Variants in CAPSL observed in about 807,000 individuals in gnomAD.
CAPSL encodes the protein calcyphosine like, also known as calcyphosin-like protein.
CAPSL carries 17 observed loss-of-function variants against 21.3 expected under a neutral mutation model. That is an observed-to-expected ratio of 0.80 (90% CI 0.55 to 1.20). The LOEUF (loss-of-function observed/expected upper bound fraction) is 1.20, where lower values mean the gene tolerates loss of function less well. CAPSL is among the 50% of genes most tolerant of loss of function. The pLI, the probability that CAPSL is intolerant of heterozygous loss-of-function variation, is 0.00. For missense variants in CAPSL, 289 were observed against 259.3 expected (o/e 1.11, Z -0.79); for synonymous variants, 102 against 89.3 (o/e 1.14, Z -0.80).
At chr5:35,912,164 G>T (rs999788733) in intron 2 of CAPSL, among the ~76,000 whole-genome samples, 5 of 152,204 alleles carry the variant, frequency 3.3e-5, no homozygotes, top group African/African-American at 1.2e-4. Flanking sequence ...GGCTGGGGGA[G>T]GGATGCCCAC....
chr5:35,919,984 A>T (rs1433913236), intron 2 of CAPSL, among the ~76,000 whole-genome samples: 1 of 152,078 alleles, frequency 6.6e-6, no homozygotes, highest in Non-Finnish European at 1.5e-5. Flanking sequence ...GATGAATGGG[A>T]TAGAGGTGGA....
In CAPSL at chr5:35,904,527, G is replaced by T; in HGVS notation, c.*18C>A. 1.3e-6 allele frequency: 2 copies of T among 1,589,384 alleles called. No homozygotes were observed. The highest frequency in any genetic ancestry group is 1.1e-5 in the South Asian group (1 of 89,854). ...GAGCCACATGGCTGTCCCAGGGCCT[G>T]GTCCCCAGGTCATGTGCTTAAAGCT... On this transcript the variant is annotated 3_prime_UTR_variant, in exon 5 of 5. Transcript: ENST00000651391.
intron 2 of CAPSL, among the ~76,000 whole-genome samples, chr5:35,913,002 G>A (rs1193473585): frequency 6.6e-6 from 1 of 152,120 alleles, no homozygotes; most frequent in Non-Finnish European, 1.5e-5. Context: ...CCACTGCAGA[G>A]AAGTCCTTAA....
Position 35,904,433 on chromosome 5 carries a change from G to GA in CAPSL, c.*111dup, listed in dbSNP as rs1483598446. 8.5e-6 allele frequency: 7 copies of GA among 822,088 alleles called. No homozygotes were observed. Among genetic ancestry groups the GA allele is most frequent in the Middle Eastern group, 2.3e-4 (1 of 4,278 alleles). 50.9% of individuals were successfully genotyped at this position (822,088 alleles called of 1,614,324 possible). On this transcript the variant is annotated 3_prime_UTR_variant, in exon 5 of 5. Transcript: ENST00000651391. Reference sequence around the variant, plus strand: ...CCAGAAAATGCAATATTTTGACACAGAAAAAAACATTAGGATGAGTGTGAA... The same window carrying GA: ...CCAGAAAATGCAATATTTTGACACAGAAAAAAAACATTAGGATGAGTGTGAA...
intron 2 of CAPSL, 111 bp from the exon 3 acceptor site, chr5:35,910,654 T>G: frequency 1.2e-6 from 1 of 800,770 alleles, no homozygotes; most frequent in Non-Finnish European, 1.9e-6. Flanking sequence ...AATACAAAAG[T>G]CTTAAATTCT....
Position 35,910,394 on chromosome 5 carries a change from T to G in CAPSL, c.287A>C (p.Asp96Ala). Residue 96 changes from aspartate to alanine, a missense_variant, in exon 3 of 5, where the codon GAC becomes GCC. Coordinates refer to ENST00000651391, the MANE Select transcript of CAPSL (RefSeq NM_001042625.2). ...TAATGTGAGAAGAAATTCATTGAAG[T>G]CTATTGTTCCATTTCCATCTTTATC... is the stretch of plus-strand genomic sequence containing the variant. ...RFDKDGNGTI[D>A]FNEFLLTLRP... The G allele has an allele frequency of 6.2e-7, 1 of 1,613,658 alleles. No homozygotes were observed. Among genetic ancestry groups the G allele is most frequent in the Non-Finnish European group, 8.5e-7 (1 of 1,179,834 alleles).
intron 1 of CAPSL, among the ~76,000 whole-genome samples, chr5:35,937,478 C>T (rs1738980743): frequency 6.6e-6 from 1 of 152,180 alleles, no homozygotes; most frequent in Non-Finnish European, 1.5e-5. Context: ...GCAGGTACAC[C>T]TTCTTTTTCC....
intron 2 of CAPSL, among the ~76,000 whole-genome samples, chr5:35,913,686 C>T (rs1267017124): frequency 2.0e-5 from 3 of 152,116 alleles, no homozygotes; most frequent in African/African-American, 7.2e-5. Context: ...CCAGGCCTGC[C>T]CTAAAAGAGC....
chr5:35,920,778 T>A (rs1325948365), intron 2 of CAPSL, among the ~76,000 whole-genome samples: 1 of 152,194 alleles, frequency 6.6e-6, no homozygotes, highest in Non-Finnish European at 1.5e-5. Context: ...GTAGCAGATA[T>A]GAGTCTTGCC....
intron 2 of CAPSL, among the ~76,000 whole-genome samples, chr5:35,913,427 T>A (rs918062952): frequency 1.3e-5 from 2 of 151,112 alleles, no homozygotes; most frequent in Non-Finnish European, 3.0e-5. Context: ...AAAGTGGAAA[T>A]AAGGAAAAAA....
chr5:35,914,225 T>A (rs1163803228), intron 2 of CAPSL, among the ~76,000 whole-genome samples: 1 of 152,144 alleles, frequency 6.6e-6, no homozygotes, highest in African/African-American at 2.4e-5. Context: ...CTTAGAAACC[T>A]ACAAAGAGAC....
intron 1 of CAPSL, among the ~76,000 whole-genome samples, chr5:35,926,710 C>T (rs1285846613): frequency 6.6e-6 from 1 of 152,172 alleles, no homozygotes; most frequent in Non-Finnish European, 1.5e-5. Flanking sequence ...CAGCCAACTA[C>T]CTGCAAACAC....
intron 1 of CAPSL, among the ~76,000 whole-genome samples, chr5:35,924,142 T>C (rs1738607894): frequency 6.6e-6 from 1 of 152,170 alleles, no homozygotes; most frequent in Admixed American, 6.5e-5. Flanking sequence ...ATAAAGAAAT[T>C]AGGATGCAGA....
chr5:35,922,915 C>A (rs1738575552), intron 1 of CAPSL, among the ~76,000 whole-genome samples: 1 of 152,188 alleles, frequency 6.6e-6, no homozygotes. Flanking sequence ...TCTTACTCAT[C>A]CTTGCCTGAG....
intron 2 of CAPSL, among the ~76,000 whole-genome samples, chr5:35,913,377 G>A (rs1302567446): frequency 1.3e-5 from 2 of 152,084 alleles, no homozygotes; most frequent in Non-Finnish European, 2.9e-5. Flanking sequence ...GATAGTCCTC[G>A]AGAAGAGCAA....
intron 2 of CAPSL, among the ~76,000 whole-genome samples, chr5:35,918,011 A>C (rs906297770): frequency 2.0e-5 from 3 of 152,194 alleles, no homozygotes; most frequent in Admixed American, 1.3e-4. Context: ...TGTTGGTAGA[A>C]GTGTGAATTA....
chr5:35,906,582 T>G (rs1453251110), intron 4 of CAPSL, among the ~76,000 whole-genome samples: 1 of 152,170 alleles, frequency 6.6e-6, no homozygotes, highest in African/African-American at 2.4e-5. Context: ...TCACAAAGAC[T>G]TCAGCTCTGC....
intron 1 of CAPSL, among the ~76,000 whole-genome samples, chr5:35,922,990 G>A (rs1413205613): frequency 6.6e-6 from 1 of 151,762 alleles, no homozygotes; most frequent in African/African-American, 2.4e-5. Flanking sequence ...CAACCCCTAT[G>A]GAAGCAGGAA....
chr5:35,926,449 C>G (rs935348335), intron 1 of CAPSL, among the ~76,000 whole-genome samples: 1 of 145,178 alleles, frequency 6.9e-6, no homozygotes, highest in African/African-American at 2.7e-5. Flanking sequence ...CGGTGCACAA[C>G]CAACTGCCAC....
Sources: allele counts gnomAD v4.1 joint callset (sites outside exome capture counted in the v4.1 genomes callset), GRCh38; gene constraint gnomAD v4.1.1; transcripts MANE v1.5; gene names NCBI Gene and HGNC (gene_info 2026-07-23, HGNC 2026-07-21).